GRIA1: variants seen among roughly 807,000 people sequenced by gnomAD.
GRIA1 encodes glutamate receptor 1.
A neutral mutation model predicts 99.2 loss-of-function variants in GRIA1; 31 were observed. The ratio of observed to expected loss-of-function variants is 0.31; its 90% CI spans 0.23 to 0.42. GRIA1 has a LOEUF of 0.42. Ranked by LOEUF, GRIA1 falls within the 10% of genes least tolerant of loss-of-function variation. The probability of loss-of-function intolerance (pLI) is 1.00; values close to 1 mark genes in which losing one functional copy is unlikely to be tolerated. For synonymous variants in GRIA1, 438 were observed against 432.4 expected, an observed-to-expected ratio of 1.01 and a Z score of -0.16; for missense variants, 782 against 1,157.5, an observed-to-expected ratio of 0.68 and a Z score of 4.71.
At chr5:153,569,159 T>C (rs1024112654) in intron 2 of GRIA1, among the ~76,000 whole-genome samples, 2 of 152,244 alleles carry the variant, frequency 1.3e-5, no homozygotes, top group Admixed American at 1.3e-4. Flanking sequence ...CATCTTTGTC[T>C]GCTCCCACTC....
In GRIA1 at chr5:153,811,307, C is replaced by T. The variant is rs1028357658; in HGVS notation, c.*82C>T. The stretch of plus-strand genomic sequence containing the variant: ...AACCCTTCAGTGCCAAAAACAACAA[C>T]AAAATGAAACGCAACCACCACCAAC... On this transcript the variant is annotated 3_prime_UTR_variant, in exon 16 of 16. Coordinates refer to ENST00000285900, the MANE Select transcript of GRIA1 (RefSeq NM_000827.4). 2.2e-6 allele frequency: 2 copies of T among 913,982 alleles called. No homozygotes were observed. The highest frequency in any genetic ancestry group is 1.4e-5 in the South Asian group (1 of 71,522). 56.6% of individuals were successfully genotyped at this position (913,982 alleles called of 1,614,324 possible).
At chr5:153,740,577 G>A (rs1348000409) in intron 11 of GRIA1, among the ~76,000 whole-genome samples, 1 of 152,196 alleles carries the variant, frequency 6.6e-6, no homozygotes, top group Non-Finnish European at 1.5e-5. Context: ...TGGCAACTGG[G>A]GGAAAATACT....
chr5:153,749,715 TG>T (rs1762387695), intron 11 of GRIA1, among the ~76,000 whole-genome samples: 2 of 152,082 alleles, frequency 1.3e-5, no homozygotes, highest in South Asian at 2.1e-4. Flanking sequence ...ACATGAGATT[TG>T]GAGGGACAAA....
intron 11 of GRIA1, among the ~76,000 whole-genome samples, chr5:153,723,894 G>T (rs959448562): frequency 6.6e-6 from 1 of 152,180 alleles, no homozygotes; most frequent in Admixed American, 6.5e-5. Context: ...GAGAGCAGTG[G>T]TTCTCCCATC....
At chr5:153,498,591 T>C (rs1343756140) in intron 2 of GRIA1, among the ~76,000 whole-genome samples, 2 of 152,166 alleles carry the variant, frequency 1.3e-5, no homozygotes, top group African/African-American at 2.4e-5. Context: ...AACAAGACAT[T>C]AGGCACTGGC....
chr5:153,553,664 A>G (rs6879645), intron 2 of GRIA1, among the ~76,000 whole-genome samples: 70,962 of 152,022 alleles, frequency 0.47, 18,302 homozygotes, highest in Non-Finnish European at 0.59. Flanking sequence ...CCTTACCAGT[A>G]TTCGTAGAAC....
chr5:153,793,046 T>C (rs1765400726), intron 13 of GRIA1, among the ~76,000 whole-genome samples: 1 of 152,138 alleles, frequency 6.6e-6, no homozygotes, highest in East Asian at 1.9e-4. Flanking sequence ...CAAGCATAAA[T>C]AAAAGGTAAC....
chr5:153,758,372 T>C (rs1762959129), intron 11 of GRIA1, among the ~76,000 whole-genome samples: 1 of 151,846 alleles, frequency 6.6e-6, no homozygotes, highest in Non-Finnish European at 1.5e-5. Flanking sequence ...AGATATTCCA[T>C]GTAAATTAAA....
At chr5:153,594,784 T>A (rs1195272108) in intron 2 of GRIA1, among the ~76,000 whole-genome samples, 1 of 151,834 alleles carries the variant, frequency 6.6e-6, no homozygotes, top group East Asian at 2.0e-4. Flanking sequence ...AAATACTTTG[T>A]CTTCTTCAGA....
rs1756258203 is a variant in GRIA1 at position 153,672,432 on chromosome 5, A to T, written c.700-2068A>T. Among the ~76,000 whole-genome samples, 3 of 152,296 alleles carry T rather than the reference A, an allele frequency of 2.0e-5. No homozygotes were observed. The South Asian group carries it at 6.2e-4, about 32-fold the overall frequency. On this transcript the variant is annotated intron_variant, in intron 5 of 15. Transcript: ENST00000285900. The stretch of plus-strand genomic sequence containing the variant: ...GAACTAGTTCTTTAGATAAGAAGTC[A>T]GGAAACACCTCTCTGAGAGATGGCA...
chr5:153,721,249 T>C (rs1053258400), intron 11 of GRIA1, among the ~76,000 whole-genome samples: 5 of 152,250 alleles, frequency 3.3e-5, no homozygotes, highest in African/African-American at 7.2e-5. Flanking sequence ...CTTAATGGAC[T>C]CTTTCCTCTT....
intron 2 of GRIA1, among the ~76,000 whole-genome samples, chr5:153,570,546 T>C (rs901692985): frequency 3.9e-5 from 6 of 152,108 alleles, no homozygotes; most frequent in Non-Finnish European, 8.8e-5. Flanking sequence ...GAATAGACAA[T>C]TTTTTTTCCT....
chr5:153,697,832 T>C (rs571939664), intron 8 of GRIA1, among the ~76,000 whole-genome samples: 2 of 152,296 alleles, frequency 1.3e-5, no homozygotes, highest in Admixed American at 1.3e-4. Flanking sequence ...GAACCAATTA[T>C]TGTGGGGATT....
At chr5:153,619,519 C>T (rs751289263) in intron 2 of GRIA1, among the ~76,000 whole-genome samples, 3 of 152,024 alleles carry the variant, frequency 2.0e-5, no homozygotes, top group Non-Finnish European at 4.4e-5. Context: ...TGACATAGCC[C>T]ATGGTACTGG....
intron 11 of GRIA1, among the ~76,000 whole-genome samples, chr5:153,713,112 A>G (rs750018737): frequency 1.3e-5 from 2 of 152,212 alleles, no homozygotes; most frequent in Admixed American, 6.5e-5. Flanking sequence ...AGCCGTAAAC[A>G]TGGAGCCCAG....
At chr5:153,690,925 T>C (rs1038395341) in intron 8 of GRIA1, among the ~76,000 whole-genome samples, 1 of 152,194 alleles carries the variant, frequency 6.6e-6, no homozygotes, top group South Asian at 2.1e-4. Flanking sequence ...TTTTCAAGGG[T>C]GACCTAGTTG....
chr5:153,760,080 C>T (rs1412644448), intron 11 of GRIA1, among the ~76,000 whole-genome samples: 1 of 151,980 alleles, frequency 6.6e-6, no homozygotes, highest in East Asian at 1.9e-4. Flanking sequence ...AAAAATACAG[C>T]TAACATCATA....
Position 153,551,631 on chromosome 5 carries a change from G to C in GRIA1, c.220+57566G>C, listed in dbSNP as rs146195716. Among the ~76,000 whole-genome samples the C allele has an allele frequency of 2.0e-4, 31 of 152,236 alleles. No individual in the cohort carries two copies. The East Asian group carries it at 5.4e-3, about 27-fold the overall frequency. ...CAGAACTGTAAATCACCTTCAGAAG[G>C]CTCCTTCTCCCAGGAGTAGTCTTTG... On this transcript the variant is annotated intron_variant, in intron 2 of 15. Coordinates refer to ENST00000285900, the MANE Select transcript of GRIA1 (RefSeq NM_000827.4).
intron 1 of GRIA1, among the ~76,000 whole-genome samples, chr5:153,492,860 T>G (rs1754057668): frequency 6.6e-6 from 1 of 152,228 alleles, no homozygotes; most frequent in African/African-American, 2.4e-5. Context: ...AGGTAGTACT[T>G]GATTCTATTT....
Sources: allele counts gnomAD v4.1 joint callset (sites outside exome capture counted in the v4.1 genomes callset), GRCh38; gene constraint gnomAD v4.1.1; transcripts MANE v1.5; gene names NCBI Gene and HGNC (gene_info 2026-07-23, HGNC 2026-07-21).